Variants in ANKRD22 observed in about 807,000 individuals in gnomAD.
ANKRD22 encodes ankyrin repeat domain-containing protein 22.
In ANKRD22, 24 loss-of-function variants were observed where a neutral mutation model predicts 25.7. The ratio of observed to expected loss-of-function variants is 0.93; its 90% CI spans 0.68 to 1.31. The LOEUF (loss-of-function observed/expected upper bound fraction) is 1.31. Ranked by LOEUF, ANKRD22 falls within the 50% of genes most tolerant of loss-of-function variation. The probability of loss-of-function intolerance (pLI) is 0.00; values close to 1 mark genes in which losing one functional copy is unlikely to be tolerated. For missense variants in ANKRD22, 214 were observed against 227.1 expected, an observed-to-expected ratio of 0.94 and a Z score of 0.37; for synonymous variants, 84 against 84.3, an observed-to-expected ratio of 1.00 and a Z score of 0.02.
intron 1 of ANKRD22, among the ~76,000 whole-genome samples, chr10:88,847,190 G>A (rs1226516539): frequency 1.3e-5 from 2 of 151,972 alleles, no homozygotes; most frequent in East Asian, 3.9e-4. Flanking sequence ...CTTCAGCATA[G>A]GACTTAAACA....
intron 3 of ANKRD22, among the ~76,000 whole-genome samples, chr10:88,826,743 T>A (rs778965432): frequency 1.3e-5 from 2 of 152,126 alleles, no homozygotes; most frequent in Non-Finnish European, 2.9e-5. Context: ...CCAGGTGAAA[T>A]CCCTCTTTTT....
At position 88,822,469 on chromosome 10, in the gene ANKRD22, G is replaced by A. The variant is rs191824037; in HGVS notation, c.*472C>T. On this transcript the variant is annotated 3_prime_UTR_variant, in exon 6 of 6. Transcript: ENST00000371930. ...GTCTTTTTATAAGAGTGATACAACT[G>A]GGAAGGGAGAACGCTGTTTCAGAAG... is the stretch of plus-strand genomic sequence containing the variant. 2.0e-5 allele frequency: 3 copies of A among 151,968 alleles called. No individual in the cohort carries two copies. The highest frequency in any genetic ancestry group is 4.3e-5 in the Non-Finnish European group (3 of 69,118). 9.4% of individuals were successfully genotyped at this position (151,968 alleles called of 1,614,324 possible). A position where few individuals can be genotyped will look rare whatever the true frequency, so the allele number is the denominator to read the frequency against.
At chr10:88,825,492 G>A (rs893456511) in intron 4 of ANKRD22, among the ~76,000 whole-genome samples, 1 of 152,194 alleles carries the variant, frequency 6.6e-6, no homozygotes, top group Non-Finnish European at 1.5e-5. Flanking sequence ...GTTTGCACAC[G>A]GGGCCTCTCA....
chr10:88,842,567 G>T (rs1844012241), intron 1 of ANKRD22, among the ~76,000 whole-genome samples: 1 of 152,028 alleles, frequency 6.6e-6, no homozygotes. Flanking sequence ...AGGCTCTAGG[G>T]ATACAGAGAT....
intron 1 of ANKRD22, among the ~76,000 whole-genome samples, chr10:88,837,302 G>C (rs1843963299): frequency 6.6e-6 from 1 of 152,192 alleles, no homozygotes; most frequent in Non-Finnish European, 1.5e-5. Context: ...TGCAGATGAA[G>C]CACTTAGCTC....
At chr10:88,846,570 G>T (rs1005262198) in intron 1 of ANKRD22, among the ~76,000 whole-genome samples, 1 of 152,134 alleles carries the variant, frequency 6.6e-6, no homozygotes. Flanking sequence ...GCTACAAAAT[G>T]TTGTGAAAAC....
intron 1 of ANKRD22, among the ~76,000 whole-genome samples, chr10:88,850,183 TA>T (rs1389145798): frequency 1.3e-5 from 2 of 152,040 alleles, no homozygotes; most frequent in African/African-American, 4.8e-5. Flanking sequence ...TATTTAATTT[TA>T]AAGAGTCTCA....
chr10:88,846,965 T>C (rs1427388743), intron 1 of ANKRD22, among the ~76,000 whole-genome samples: 1 of 152,212 alleles, frequency 6.6e-6, no homozygotes, highest in South Asian at 2.1e-4. Flanking sequence ...GAAAATTTAA[T>C]GCCATGTTTT....
rs372242633 is a variant in ANKRD22, at chr10:88,823,298, G to A, written c.480C>T (p.Asp160=). 2 of 1,613,278 alleles carry A rather than the reference G, an allele frequency of 1.2e-6. No individual in the cohort carries two copies. The highest frequency in any genetic ancestry group is 1.7e-6 in the Non-Finnish European group (2 of 1,179,234). The change falls in exon 5 of 6, where the codon GAC becomes GAT. Residue 160 remains aspartate (D), a synonymous_variant. Coordinates refer to ENST00000371930, the MANE Select transcript of ANKRD22 (RefSeq NM_144590.3). ...LIPLLLEARA[D]PTIKNKHGES... Reference sequence around the variant, plus strand: ...CCCTTACCTTATTCTTTATTGTGGGGTCTGCACGGGCTTCCAAGAGCAGAG... The same window carrying A: ...CCCTTACCTTATTCTTTATTGTGGGATCTGCACGGGCTTCCAAGAGCAGAG...
Position 88,829,032 on chromosome 10 carries a change from A to G in ANKRD22, c.214-366T>C, listed in dbSNP as rs17113426. 0.016 allele frequency among the ~76,000 whole-genome samples: 2,392 copies of G among 152,314 alleles called. 101 individuals carry two copies. The East Asian group carries it at 0.17, about 11-fold the overall frequency. ...GATAGTTATCCCTTAATCATCTACC[A>G]TGTGTACGATTATCCATTTTGTGGT... On this transcript the variant is annotated intron_variant, in intron 2 of 5. Transcript: ENST00000371930.
Position 88,826,027 on chromosome 10 carries a change from T to C in ANKRD22, c.399+11A>G, listed in dbSNP as rs761284735. On this transcript the variant is annotated intron_variant, in intron 4 of 5. Transcript: ENST00000371930. ...AATATTTTTTCAAAATGGCTAAAAG[T>C]ATAAACTTACACAATCTGTAGCATT... The C allele has an allele frequency of 2.9e-5, 46 of 1,601,780 alleles. 1 individual carries two copies. The South Asian group carries it at 4.8e-4, about 17-fold the overall frequency.
chr10:88,822,984 A>T lies in ANKRD22; in HGVS notation c.533T>A (p.Leu178Ter), dbSNP rs35546921. ...CATTAATTCAATCTGGGAAAATTTTAATCTCCGTGCAATATCCAGTGAGCT... is the reference window on the plus strand; with the variant it reads ...CATTAATTCAATCTGGGAAAATTTTTATCTCCGTGCAATATCCAGTGAGCT... Reference protein sequence around the residue: ...GESSLDIARRLKFSQIELMLR... With the variant: ...GESSLDIARR Residue 178 changes from leucine (L) to a stop codon, truncating the protein, a stop_gained, in exon 6 of 6, where the codon TTA (leucine) becomes TAA (stop). Transcript: ENST00000371930. LOFTEE classifies it high-confidence loss of function. 2.5e-6 allele frequency: 4 copies of T among 1,613,568 alleles called. No homozygotes were observed. The highest frequency in any genetic ancestry group is 3.4e-6 in the Non-Finnish European group (4 of 1,179,592).
Position 88,828,495 on chromosome 10 carries a change from A to G in ANKRD22, c.321+64T>C. On this transcript the variant is annotated intron_variant, in intron 3 of 5. Coordinates refer to ENST00000371930, the MANE Select transcript of ANKRD22 (RefSeq NM_144590.3). ...TTTTCAACATCTCACTGGCCTGGCA[A>G]GAGTCAATGAGTCACACCATCGATC... 3 of 1,206,530 alleles carry G rather than the reference A, an allele frequency of 2.5e-6. No homozygotes were observed. In the South Asian group the frequency reaches 4.0e-5, roughly 16 times the overall value. 74.7% of individuals were successfully genotyped at this position (1,206,530 alleles called of 1,614,324 possible).
chr10:88,832,760 G>A (rs1319419299), intron 1 of ANKRD22, among the ~76,000 whole-genome samples: 2 of 152,126 alleles, frequency 1.3e-5, no homozygotes, highest in African/African-American at 4.8e-5. Flanking sequence ...AGCTTCACAA[G>A]GCACCATGGG....
At chr10:88,839,774 A>G (rs1416665965) in intron 1 of ANKRD22, among the ~76,000 whole-genome samples, 1 of 152,196 alleles carries the variant, frequency 6.6e-6, no homozygotes, top group African/African-American at 2.4e-5. Context: ...GTTGATGTTT[A>G]GAAGGTAATC....
chr10:88,827,367 T>A (rs1843865146), intron 3 of ANKRD22, among the ~76,000 whole-genome samples: 1 of 152,226 alleles, frequency 6.6e-6, no homozygotes, highest in Non-Finnish European at 1.5e-5. Context: ...ACGATTACTA[T>A]TTTTGCCCAG....
chr10:88,836,456 A>C (rs1843954865), intron 1 of ANKRD22, among the ~76,000 whole-genome samples: 1 of 152,230 alleles, frequency 6.6e-6, no homozygotes, highest in South Asian at 2.1e-4. Context: ...AAGTAGTATT[A>C]ATATACCTGT....
chr10:88,823,188 C>T, intron 5 of ANKRD22, 92 bp downstream of exon 5: 1 of 1,314,010 alleles, frequency 7.6e-7, no homozygotes, highest in South Asian at 1.2e-5. Flanking sequence ...CTGTTGTTTA[C>T]GTCAGAGGCA....
At chr10:88,844,585 A>G (rs967794532) in intron 1 of ANKRD22, among the ~76,000 whole-genome samples, 1 of 152,146 alleles carries the variant, frequency 6.6e-6, no homozygotes, top group Admixed American at 6.6e-5. Context: ...TCTATAACAT[A>G]AGTAAACATT....
Sources: allele counts gnomAD v4.1 joint callset (sites outside exome capture counted in the v4.1 genomes callset), GRCh38; gene constraint gnomAD v4.1.1; transcripts MANE v1.5; gene names NCBI Gene and HGNC (gene_info 2026-07-23, HGNC 2026-07-21).